The following UNC5D variants were observed in gnomAD, a reference collection of about 807,000 sequenced individuals.
The protein encoded by UNC5D is unc-5 netrin receptor D.
Under a neutral mutation model 105.4 loss-of-function variants are expected in UNC5D, and 39 were observed. The ratio of observed to expected loss-of-function variants is 0.37; its 90% CI spans 0.29 to 0.48. The LOEUF (loss-of-function observed/expected upper bound fraction) is 0.48. UNC5D is among the 20% of genes least tolerant of loss of function. UNC5D has a pLI of 0.98. For missense variants in UNC5D, 991 were observed against 1,202.4 expected, an observed-to-expected ratio of 0.82 and a Z score of 2.60; for synonymous variants, 452 against 450.4, an observed-to-expected ratio of 1.00 and a Z score of -0.04.
chr8:35,692,079 G>C (rs774995460), intron 7 of UNC5D, among the ~76,000 whole-genome samples: 4 of 152,188 alleles, frequency 2.6e-5, no homozygotes, highest in Non-Finnish European at 5.9e-5. Context: ...ACATAGGTCA[G>C]TTCAACATTG....
chr8:35,307,126 A>C (rs1808483060), intron 1 of UNC5D, among the ~76,000 whole-genome samples: 1 of 152,168 alleles, frequency 6.6e-6, no homozygotes, highest in South Asian at 2.1e-4. Flanking sequence ...AAAAAGAAAA[A>C]AAAAATTACA....
At chr8:35,639,999 A>G (rs1485010824) in intron 4 of UNC5D, among the ~76,000 whole-genome samples, 1 of 152,114 alleles carries the variant, frequency 6.6e-6, no homozygotes, top group East Asian at 1.9e-4. Flanking sequence ...TATTGGGATT[A>G]CAGCCATGAG....
intron 4 of UNC5D, among the ~76,000 whole-genome samples, chr8:35,623,173 G>A (rs1821463702): frequency 6.6e-6 from 1 of 152,102 alleles, no homozygotes; most frequent in African/African-American, 2.4e-5. Flanking sequence ...TGTCCGATCT[G>A]ATAGCCATCC....
Position 35,649,271 on chromosome 8 carries a change from G to A in UNC5D, c.571-34276G>A, listed in dbSNP as rs374366824. ...TGCAGACTGAGATTAAGAAAAGCAG[G>A]CAGGAGTGGCACTAAGAGATGGCAT... On this transcript the variant is annotated intron_variant, in intron 4 of 16. Transcript: ENST00000404895. Among the ~76,000 whole-genome samples the A allele has an allele frequency of 3.2e-4, 48 of 152,228 alleles. 1 individual carries two copies. Among genetic ancestry groups the A allele is most frequent in the African/African-American group, 1.1e-3 (47 of 41,556 alleles).
At chr8:35,513,185 T>G (rs1466792175) in intron 1 of UNC5D, among the ~76,000 whole-genome samples, 1 of 151,770 alleles carries the variant, frequency 6.6e-6, no homozygotes, top group Non-Finnish European at 1.5e-5. Flanking sequence ...TGTGCATTGC[T>G]TCCTCATCTC....
At chr8:35,657,160 C>T (rs1428718912) in intron 4 of UNC5D, among the ~76,000 whole-genome samples, 2 of 138,368 alleles carry the variant, frequency 1.4e-5, no homozygotes, top group Non-Finnish European at 3.1e-5. Context: ...CTCCAGAGTC[C>T]TGGCTAAAAG....
At chr8:35,484,513 A>C (rs931510904) in intron 1 of UNC5D, among the ~76,000 whole-genome samples, 6 of 152,166 alleles carry the variant, frequency 3.9e-5, no homozygotes, top group Non-Finnish European at 7.3e-5. Context: ...CCTCATGTGA[A>C]AGTGATCTTC....
At chr8:35,550,473 A>T (rs1816043637) in intron 2 of UNC5D, among the ~76,000 whole-genome samples, 1 of 152,178 alleles carries the variant, frequency 6.6e-6, no homozygotes, top group African/African-American at 2.4e-5. Context: ...CTCACTAGAT[A>T]TCCGATTTTT....
chr8:35,507,128 TCACTGCAA>T (rs1327729338), intron 1 of UNC5D, among the ~76,000 whole-genome samples: 3 of 136,458 alleles, frequency 2.2e-5, no homozygotes, highest in African/African-American at 8.4e-5. Flanking sequence ...GGATCTCGGC[TCACTGCAA>T]GCTCCGCCTC....
intron 1 of UNC5D, among the ~76,000 whole-genome samples, chr8:35,313,414 G>T (rs867841770): frequency 5.6e-4 from 86 of 152,222 alleles, no homozygotes; most frequent in African/African-American, 2.0e-3. Flanking sequence ...CCATGAAATG[G>T]AATAGAACCA....
At chr8:35,397,854 C>T (rs572284777) in intron 1 of UNC5D, among the ~76,000 whole-genome samples, 1 of 152,316 alleles carries the variant, frequency 6.6e-6, no homozygotes, top group South Asian at 2.1e-4. Flanking sequence ...TTGGATGTTA[C>T]TCCTTTACTT....
At chr8:35,285,108 T>C (rs1482745960) in intron 1 of UNC5D, among the ~76,000 whole-genome samples, 1 of 152,230 alleles carries the variant, frequency 6.6e-6, no homozygotes, top group Non-Finnish European at 1.5e-5. Context: ...TATGCTGTTA[T>C]ACAATACCAC....
At chr8:35,778,437 T>C (rs2131758735) in intron 16 of UNC5D, among the ~76,000 whole-genome samples, 1 of 152,322 alleles carries the variant, frequency 6.6e-6, no homozygotes, top group East Asian at 1.9e-4. Context: ...TTTTCTCTCT[T>C]ATGAGTCCAA....
In UNC5D at chr8:35,568,217, A is replaced by C. The variant is rs186119645; in HGVS notation, c.442A>C (p.Arg148=). The C allele has an allele frequency of 3.1e-6, 5 of 1,614,194 alleles. No homozygotes were observed. The highest frequency in any genetic ancestry group is 4.5e-5 in the East Asian group (2 of 44,874). ...GAGCCACCTGGGTACCTCCAAGAGC[A>C]GGAAGGCCTCTGTGCGCATAGCCTG... ...AWSHLGTSKS[R]KASVRIAYLR... The change falls in exon 3 of 17, where the codon AGG becomes CGG. Residue 148 remains arginine, a synonymous_variant. Transcript: ENST00000404895.
intron 1 of UNC5D, among the ~76,000 whole-genome samples, chr8:35,412,391 C>T (rs951114798): frequency 6.6e-6 from 1 of 151,838 alleles, no homozygotes; most frequent in Non-Finnish European, 1.5e-5. Flanking sequence ...TTGACAGAGA[C>T]TTCAGAGGTG....
At chr8:35,444,214 A>T (rs1269792317) in intron 1 of UNC5D, among the ~76,000 whole-genome samples, 1 of 151,980 alleles carries the variant, frequency 6.6e-6, no homozygotes, top group Non-Finnish European at 1.5e-5. Flanking sequence ...TGAAGTGTGG[A>T]TGTGTTACAG....
intron 1 of UNC5D, among the ~76,000 whole-genome samples, chr8:35,363,445 A>T (rs899160430): frequency 1.3e-5 from 2 of 152,164 alleles, no homozygotes. Context: ...CATGGGAATT[A>T]TGGGAGTACA....
chr8:35,306,394 A>C (rs1000715845), intron 1 of UNC5D, among the ~76,000 whole-genome samples: 4 of 152,010 alleles, frequency 2.6e-5, no homozygotes, highest in Admixed American at 2.0e-4. Context: ...GTCATTTTTA[A>C]AGGGAGAGAT....
chr8:35,652,314 G>T (rs539467222), intron 4 of UNC5D, among the ~76,000 whole-genome samples: 1 of 152,214 alleles, frequency 6.6e-6, no homozygotes, highest in East Asian at 1.9e-4. Context: ...ACTTATTTTA[G>T]CAATTTTTAA....
Sources: gnomAD v4.1 joint callset for allele counts (sites outside exome capture counted in the v4.1 genomes callset) on GRCh38, gnomAD v4.1.1 for gene constraint, MANE v1.5 for transcripts, NCBI Gene and HGNC (gene_info 2026-07-23, HGNC 2026-07-21) for gene names.